Variants in NBEA observed in about 807,000 individuals in gnomAD.
NBEA encodes the protein lysosomal-trafficking regulator 2.
NBEA carries 44 observed loss-of-function variants against 343.4 expected under a neutral mutation model. The observed-to-expected ratio is 0.13, with a 90% CI of 0.10 to 0.16. NBEA has a LOEUF of 0.16. NBEA is among the 10% of genes least tolerant of loss of function. The pLI, the probability that NBEA is intolerant of heterozygous loss-of-function variation, is 1.00. For synonymous variants in NBEA, 1,175 were observed against 1,238.7 expected, an observed-to-expected ratio of 0.95 and a Z score of 1.08; for missense variants, 2,555 against 3,631.3, an observed-to-expected ratio of 0.70 and a Z score of 7.62.
At chr13:35,158,799 G>T (rs1281156627) in intron 21 of NBEA, among the ~76,000 whole-genome samples, 1 of 151,952 alleles carries the variant, frequency 6.6e-6, no homozygotes, top group South Asian at 2.1e-4. Flanking sequence ...TGTGATTTTG[G>T]CAATCCTTAT....
intron 51 of NBEA, among the ~76,000 whole-genome samples, chr13:35,646,676 A>G (rs1161690056): frequency 2.6e-5 from 4 of 152,260 alleles, no homozygotes; most frequent in African/African-American, 4.8e-5. Context: ...AATTACAATG[A>G]AAAATGTATT....
In NBEA at chr13:35,605,853, A is replaced by G. The variant is rs1025755974; in HGVS notation, c.7297-573A>G. The stretch of plus-strand genomic sequence containing the variant: ...ATGCATTAAATATTTAAAACTGTTT[A>G]TCATATTGTGTATCATCTCTTTTAT... On this transcript the variant is annotated intron_variant, in intron 47 of 58. Coordinates refer to ENST00000379939, the MANE Select transcript of NBEA (RefSeq NM_001385012.1). Among the ~76,000 whole-genome samples, 11 of 152,298 alleles carry G rather than the reference A, an allele frequency of 7.2e-5. 1 individual carries two copies. In the East Asian group the frequency reaches 1.9e-3, roughly 27 times the overall value.
intron 46 of NBEA, 31 bp from the exon 47 acceptor site, chr13:35,593,297 G>A: frequency 6.2e-7 from 1 of 1,609,718 alleles, no homozygotes; most frequent in Non-Finnish European, 8.5e-7. Context: ...GTTTAGAGTG[G>A]TCAAATTTCT....
intron 36 of NBEA, among the ~76,000 whole-genome samples, chr13:35,329,223 CA>C (rs2038777063): frequency 6.6e-6 from 1 of 151,968 alleles, no homozygotes; most frequent in Admixed American, 6.6e-5. Flanking sequence ...GCCACGGGAA[CA>C]CTTATACCAT....
In NBEA at chr13:35,608,806, C is replaced by CATTA. The variant is rs570997025; in HGVS notation, c.7449+2230_7449+2233dup. 3.9e-3 allele frequency among the ~76,000 whole-genome samples: 575 copies of CATTA among 145,944 alleles called. 1 individual carries two copies. Among genetic ancestry groups the CATTA allele is most frequent in the African/African-American group, 0.014 (543 of 38,650 alleles). Reference sequence around the variant, plus strand: ...TAATAAGTGCCTCTTACCTGTCAGGCATTAAGCAAGGCACTTGATTTTTTT... The same window carrying CATTA: ...TAATAAGTGCCTCTTACCTGTCAGGCATTAATTAAGCAAGGCACTTGATTTTTTT... On this transcript the variant is annotated intron_variant, in intron 48 of 58. Coordinates refer to ENST00000379939, the MANE Select transcript of NBEA (RefSeq NM_001385012.1).
intron 33 of NBEA, 131 bp from the exon 34 acceptor site, chr13:35,232,361 T>C: frequency 1.6e-6 from 1 of 641,416 alleles, no homozygotes; most frequent in Non-Finnish European, 2.6e-6. Context: ...CCCTTATACA[T>C]GAAGCTTGTT....
At chr13:35,179,549 A>AAAAAAT (rs2071161547) in intron 28 of NBEA, among the ~76,000 whole-genome samples, 1 of 150,244 alleles carries the variant, frequency 6.7e-6, no homozygotes, top group African/African-American at 2.5e-5. Flanking sequence ...AATAAAAAAT[A>AAAAAAT]AAAAATAAAA....
chr13:35,465,891 CAT>C (rs1475937426), intron 40 of NBEA, among the ~76,000 whole-genome samples: 2 of 150,838 alleles, frequency 1.3e-5, no homozygotes, highest in Admixed American at 6.6e-5. Context: ...AATTGGTAAA[CAT>C]AAATAGTAGG....
intron 37 of NBEA, 64 bp downstream of exon 37, chr13:35,349,280 G>A (rs898322478): frequency 2.0e-5 from 16 of 816,732 alleles, no homozygotes; most frequent in Non-Finnish European, 3.0e-5. Flanking sequence ...ACCTATCTGT[G>A]ACCTTACATA....
intron 34 of NBEA, among the ~76,000 whole-genome samples, chr13:35,261,850 A>G (rs2033244677): frequency 6.6e-6 from 1 of 152,230 alleles, no homozygotes; most frequent in Non-Finnish European, 1.5e-5. Context: ...TTTGAAGACT[A>G]TAAATCCTAA....
At position 34,954,957 on chromosome 13, in the gene NBEA, A is replaced by T. The variant is rs555238343; in HGVS notation, c.294+11843A>T. ...ACTGTAAATACATGGTTTATATTTT[A>T]AAAAAAGTTTTCTGGATATTTGAGA... is the stretch of plus-strand genomic sequence containing the variant. On this transcript the variant is annotated intron_variant, in intron 1 of 58. Coordinates refer to ENST00000379939, the MANE Select transcript of NBEA (RefSeq NM_001385012.1). Among the ~76,000 whole-genome samples the T allele has an allele frequency of 4.8e-4, 73 of 152,278 alleles. No homozygotes were observed. In the South Asian group the frequency reaches 0.011, roughly 22 times the overall value.
rs781120920 is a variant in NBEA at position 35,211,087 on chromosome 13, C to T, written c.5556C>T (p.Ser1852=). The part of the protein sequence containing the change: ...AVDSGSSSSS[S]SSSFVNGATS... ...ATTCAGGGTCCTCCTCCTCTTCCTC[C>T]TCTTCTAGTTTTGTGAATGGTGCTA... Residue 1852 remains serine (S), a synonymous_variant, in exon 33 of 59, where the codon TCC becomes TCT. Coordinates refer to ENST00000379939, the MANE Select transcript of NBEA (RefSeq NM_001385012.1). 5.8e-6 allele frequency: 9 copies of T among 1,551,172 alleles called. No homozygotes were observed. The highest frequency in any genetic ancestry group is 7.8e-6 in the Non-Finnish European group (9 of 1,146,634).
chr13:35,457,907 G>A (rs545776631), intron 40 of NBEA, among the ~76,000 whole-genome samples: 47 of 151,850 alleles, frequency 3.1e-4, no homozygotes, highest in Non-Finnish European at 6.0e-4. Context: ...GCGCCCAGCC[G>A]CATGTAGTCC....
At chr13:35,423,180 T>C (rs1594581095) in intron 38 of NBEA, among the ~76,000 whole-genome samples, 1 of 152,232 alleles carries the variant, frequency 6.6e-6, no homozygotes, top group African/African-American at 2.4e-5. Flanking sequence ...ATTTTGGCTT[T>C]TGTTGCCATT....
At chr13:35,598,302 C>T (rs775382605) in intron 47 of NBEA, among the ~76,000 whole-genome samples, 5 of 152,148 alleles carry the variant, frequency 3.3e-5, no homozygotes, top group Non-Finnish European at 5.9e-5. Context: ...AATAAGTTGT[C>T]GATTACCCAG....
intron 38 of NBEA, among the ~76,000 whole-genome samples, chr13:35,373,900 C>G (rs76516824): frequency 0.011 from 1,655 of 151,890 alleles, 30 homozygotes; most frequent in African/African-American, 0.038. Context: ...GGAAGAAAAC[C>G]CATGTATAAG....
chr13:35,444,668 T>C (rs2045905621), intron 39 of NBEA, among the ~76,000 whole-genome samples: 1 of 152,040 alleles, frequency 6.6e-6, no homozygotes, highest in African/African-American at 2.4e-5. Context: ...ATTCTGCCAG[T>C]GTCCTCCCAA....
At chr13:35,429,189 C>A (rs1480029158) in intron 38 of NBEA, among the ~76,000 whole-genome samples, 2 of 152,188 alleles carry the variant, frequency 1.3e-5, no homozygotes, top group Non-Finnish European at 2.9e-5. Flanking sequence ...GAGTGGGGCA[C>A]CTTGTTACCA....
At chr13:35,346,076 C>A (rs180910568) in intron 36 of NBEA, among the ~76,000 whole-genome samples, 13 of 152,114 alleles carry the variant, frequency 8.5e-5, no homozygotes, top group Admixed American at 3.9e-4. Context: ...AAAACTGATA[C>A]AATTTCTTTG....
Sources: allele counts gnomAD v4.1 joint callset (sites outside exome capture counted in the v4.1 genomes callset), GRCh38; gene constraint gnomAD v4.1.1; transcripts MANE v1.5; gene names NCBI Gene and HGNC (gene_info 2026-07-23, HGNC 2026-07-21).